The following CSMD1 variants were observed in gnomAD, a reference collection of about 807,000 sequenced individuals.
CSMD1 encodes the protein CUB and sushi domain-containing protein 1.
Under a neutral mutation model 417.5 loss-of-function variants are expected in CSMD1, and 213 were observed. The observed-to-expected ratio is 0.51, with a 90% CI of 0.46 to 0.57. The LOEUF is 0.57. CSMD1 is among the 20% of genes least tolerant of loss of function. The pLI is 0.00. For synonymous variants in CSMD1, 2,862 were observed against 1,736.8 expected (o/e 1.65, Z -16.11); for missense variants, 6,923 against 4,529.7 (o/e 1.53, Z -15.17).
chr8:4,779,764 T>A (rs1190926657), intron 1 of CSMD1, among the ~76,000 whole-genome samples: 1 of 152,180 alleles, frequency 6.6e-6, no homozygotes, highest in Non-Finnish European at 1.5e-5. Context: ...AATTGCGGTT[T>A]GCTGATGCCA....
chr8:3,704,800 T>A (rs543379361), intron 7 of CSMD1: 1 of 152,382 alleles, frequency 6.6e-6, no homozygotes, highest in East Asian at 1.9e-4. Context: ...AATTCTCCCA[T>A]TCCTTGTCAT....
chr8:3,660,613 C>G (rs1007922407), intron 7 of CSMD1, among the ~76,000 whole-genome samples: 1 of 148,904 alleles, frequency 6.7e-6, no homozygotes, highest in African/African-American at 2.5e-5. Context: ...CTCCACCTCC[C>G]AGGTTCAAGC....
At chr8:4,363,210 T>A (rs996839443) in intron 3 of CSMD1, among the ~76,000 whole-genome samples, 11 of 152,156 alleles carry the variant, frequency 7.2e-5, no homozygotes, top group Non-Finnish European at 1.3e-4. Context: ...ATTTGGTGGA[T>A]CTTCCATGAT....
At chr8:4,251,031 C>T (rs958698131) in intron 3 of CSMD1, among the ~76,000 whole-genome samples, 5 of 152,138 alleles carry the variant, frequency 3.3e-5, no homozygotes, top group Non-Finnish European at 7.3e-5. Context: ...TTTTTAGATA[C>T]TGGACACAAA....
intron 15 of CSMD1, among the ~76,000 whole-genome samples, chr8:3,404,722 T>A (rs1463164103): frequency 6.6e-6 from 1 of 152,234 alleles, no homozygotes; most frequent in African/African-American, 2.4e-5. Flanking sequence ...AGCCTTTTTT[T>A]AGTGTTTTAC....
intron 2 of CSMD1, among the ~76,000 whole-genome samples, chr8:4,442,728 C>T (rs1798555370): frequency 6.6e-6 from 1 of 152,188 alleles, no homozygotes; most frequent in East Asian, 1.9e-4. Flanking sequence ...GTTGATAATA[C>T]AATCAGTCAC....
At chr8:3,949,779 G>A (rs1811485002) in intron 5 of CSMD1, among the ~76,000 whole-genome samples, 2 of 152,166 alleles carry the variant, frequency 1.3e-5, no homozygotes, top group African/African-American at 2.4e-5. Flanking sequence ...ACAGCCACAA[G>A]CACTGTTGCC....
At chr8:4,025,780 CA>C (rs1445075882) in intron 4 of CSMD1, among the ~76,000 whole-genome samples, 1 of 152,112 alleles carries the variant, frequency 6.6e-6, no homozygotes. Context: ...TTAAGGGACA[CA>C]GTTTTAAGCA....
At chr8:3,341,309 A>G (rs960205782) in intron 23 of CSMD1, among the ~76,000 whole-genome samples, 3 of 152,184 alleles carry the variant, frequency 2.0e-5, no homozygotes, top group African/African-American at 7.2e-5. Flanking sequence ...GAGGCTTCAG[A>G]ATTATGGAAA....
chr8:3,955,191 C>A (rs1012534479), intron 5 of CSMD1, among the ~76,000 whole-genome samples: 2 of 152,200 alleles, frequency 1.3e-5, no homozygotes, highest in African/African-American at 4.8e-5. Flanking sequence ...CCCGTGACCA[C>A]GTGCAGAGCA....
At chr8:4,476,702 T>C (rs1421514866) in intron 2 of CSMD1, among the ~76,000 whole-genome samples, 3 of 152,136 alleles carry the variant, frequency 2.0e-5, no homozygotes, top group Non-Finnish European at 4.4e-5. Context: ...CAAGTCCCGA[T>C]TTCACCACTC....
intron 4 of CSMD1, among the ~76,000 whole-genome samples, chr8:4,017,043 C>A (rs769878578): frequency 1.3e-5 from 2 of 152,170 alleles, no homozygotes; most frequent in Non-Finnish European, 2.9e-5. Flanking sequence ...CATAAAGGAA[C>A]AAAAGCAGAT....
intron 1 of CSMD1, among the ~76,000 whole-genome samples, chr8:4,741,661 G>T (rs900511784): frequency 2.0e-5 from 3 of 152,236 alleles, no homozygotes; most frequent in African/African-American, 7.2e-5. Flanking sequence ...AGGAATTTAA[G>T]ATCCGTTCAG....
chr8:3,441,021 G>A (rs1814948226), intron 12 of CSMD1, among the ~76,000 whole-genome samples: 1 of 152,160 alleles, frequency 6.6e-6, no homozygotes, highest in Non-Finnish European at 1.5e-5. Context: ...TTATGTTGGT[G>A]TCCCCACATC....
At chr8:3,166,796 C>T (rs1180110062) in intron 37 of CSMD1, among the ~76,000 whole-genome samples, 3 of 152,072 alleles carry the variant, frequency 2.0e-5, no homozygotes, top group African/African-American at 7.2e-5. Flanking sequence ...AAAAAGAACT[C>T]ACAAAACGTA....
intron 7 of CSMD1, among the ~76,000 whole-genome samples, chr8:3,666,479 C>T (rs923599137): frequency 1.6e-5 from 2 of 124,426 alleles, no homozygotes; most frequent in African/African-American, 6.0e-5. Context: ...TTGCTGTTAA[C>T]ATGCACAGGG....
At chr8:3,290,142 TGC>T (rs1803442018) in intron 25 of CSMD1, among the ~76,000 whole-genome samples, 2 of 146,040 alleles carry the variant, frequency 1.4e-5, no homozygotes, top group African/African-American at 2.7e-5. Flanking sequence ...GTTGTAGATA[TGC>T]AGCATTATTT....
intron 5 of CSMD1, among the ~76,000 whole-genome samples, chr8:3,776,186 G>A (rs1798876947): frequency 1.3e-5 from 2 of 152,148 alleles, no homozygotes; most frequent in South Asian, 4.1e-4. Flanking sequence ...ACAGATCCAT[G>A]TCTGACCATC....
intron 1 of CSMD1, among the ~76,000 whole-genome samples, chr8:4,714,990 C>T (rs780935888): frequency 1.2e-4 from 19 of 152,102 alleles, no homozygotes; most frequent in Non-Finnish European, 4.4e-5. Flanking sequence ...CCTTTATGCT[C>T]ACAGATGGCA....
Sources: gnomAD v4.1 joint callset for allele counts (sites outside exome capture counted in the v4.1 genomes callset) on GRCh38, gnomAD v4.1.1 for gene constraint, MANE v1.5 for transcripts, NCBI Gene and HGNC (gene_info 2026-07-23, HGNC 2026-07-21) for gene names.